Variants in PDE3A observed in about 807,000 individuals in gnomAD.
PDE3A encodes the protein phosphodiesterase 3A.
PDE3A carries 43 observed loss-of-function variants against 98.3 expected under a neutral mutation model. The ratio of observed to expected loss-of-function variants is 0.44; its 90% confidence interval spans 0.34 to 0.56. The LOEUF (loss-of-function observed/expected upper bound fraction) is 0.56. Among genes scored for constraint, PDE3A ranks in the 20% least tolerant of loss-of-function variants. The pLI is 0.01. For missense variants in PDE3A, 1,427 were observed against 1,440.7 expected (o/e 0.99, Z 0.15); for synonymous variants, 663 against 567.9 (o/e 1.17, Z -2.38).
intron 1 of PDE3A, among the ~76,000 whole-genome samples, chr12:20,539,773 G>A (rs1000839113): frequency 6.6e-6 from 1 of 152,028 alleles, no homozygotes; most frequent in African/African-American, 2.4e-5. Flanking sequence ...AAGATGAACG[G>A]CATCCAAACC....
intron 15 of PDE3A, among the ~76,000 whole-genome samples, chr12:20,654,703 C>T (rs1159519179): frequency 2.5e-5 from 3 of 120,066 alleles, no homozygotes; most frequent in Admixed American, 1.1e-4. Flanking sequence ...GAGTAGAGAT[C>T]GGGTTTCACC....
At chr12:20,451,409 G>A (rs1318357664) in intron 1 of PDE3A, among the ~76,000 whole-genome samples, 1 of 152,120 alleles carries the variant, frequency 6.6e-6, no homozygotes, top group Non-Finnish European at 1.5e-5. Context: ...AAGTAGCTGG[G>A]ATTATAGGTG....
chr12:20,591,842 G>T (rs1044203972), intron 2 of PDE3A, among the ~76,000 whole-genome samples: 1 of 152,148 alleles, frequency 6.6e-6, no homozygotes, highest in East Asian at 1.9e-4. Context: ...TGTAATAATC[G>T]TGGTGGCTGT....
chr12:20,451,942 T>C (rs1025848403), intron 1 of PDE3A, among the ~76,000 whole-genome samples: 5 of 152,228 alleles, frequency 3.3e-5, no homozygotes, highest in Admixed American at 6.5e-5. Context: ...CATTGCATAG[T>C]GTAGCCCTGA....
In PDE3A at chr12:20,369,097, C is replaced by G; in HGVS notation, c.-188C>G. 1 of 553,796 alleles carries G rather than the reference C, an allele frequency of 1.8e-6. No individual in the cohort carries two copies. Among genetic ancestry groups the G allele is most frequent in the Non-Finnish European group, 3.2e-6 (1 of 313,622 alleles). The allele number at this position is 553,796 out of a possible 1,614,324, so 34.3% of individuals were successfully genotyped here. The stretch of plus-strand genomic sequence containing the variant: ...AAGTCTCATTGGAGCATCTAGCATT[C>G]TCCAGGAGTTATTCGAAAGCTGAAA... On this transcript the variant is annotated 5_prime_UTR_variant, in exon 1 of 16. Coordinates refer to ENST00000359062, the MANE Select transcript of PDE3A (RefSeq NM_000921.5).
chr12:20,397,252 CTATATGTCTTTATATATGTCTCTA>C (rs1944035686), intron 1 of PDE3A, among the ~76,000 whole-genome samples: 1 of 151,900 alleles, frequency 6.6e-6, no homozygotes, highest in African/African-American at 2.4e-5. Context: ...ATATGTCTCT[CTATATGTCTTTATATATGTCTCTA>C]TATATTCTAG....
At chr12:20,663,884 G>A (rs1565468183) in intron 15 of PDE3A, among the ~76,000 whole-genome samples, 1 of 152,074 alleles carries the variant, frequency 6.6e-6, no homozygotes, top group Non-Finnish European at 1.5e-5. Context: ...GTGAGGGGCA[G>A]AATAATATGA....
intron 11 of PDE3A, 71 bp downstream of exon 11, chr12:20,646,674 T>C (rs748477997): frequency 8.3e-6 from 12 of 1,437,816 alleles, no homozygotes; most frequent in Non-Finnish European, 1.2e-5. Flanking sequence ...TTGTTTTTTT[T>C]CAAAAAGAAA....
intron 2 of PDE3A, among the ~76,000 whole-genome samples, chr12:20,584,535 G>A (rs887030611): frequency 6.6e-5 from 10 of 152,098 alleles, no homozygotes; most frequent in African/African-American, 1.2e-4. Flanking sequence ...TTGGCAACCT[G>A]TACTTTTAAT....
intron 1 of PDE3A, among the ~76,000 whole-genome samples, chr12:20,487,500 C>CCAAA (rs1945749612): frequency 4.7e-5 from 1 of 21,414 alleles, no homozygotes; most frequent in Non-Finnish European, 9.8e-5. Flanking sequence ...CCTGTCTCTA[C>CCAAA]TAAAAAAAAA....
chr12:20,629,159 G>A (rs535677695), intron 5 of PDE3A, among the ~76,000 whole-genome samples: 3 of 152,158 alleles, frequency 2.0e-5, no homozygotes, highest in East Asian at 3.9e-4. Context: ...AAAAGACATC[G>A]TCCTGGTCTT....
intron 1 of PDE3A, among the ~76,000 whole-genome samples, chr12:20,377,120 G>T (rs1362244060): frequency 6.6e-6 from 1 of 151,772 alleles, no homozygotes; most frequent in Non-Finnish European, 1.5e-5. Context: ...ATTTGTGTGT[G>T]TGCATGTGTG....
intron 1 of PDE3A, among the ~76,000 whole-genome samples, chr12:20,404,104 G>T (rs746359456): frequency 1.1e-4 from 17 of 152,104 alleles, no homozygotes; most frequent in Non-Finnish European, 2.4e-4. Context: ...AAAGAAAAAT[G>T]TAGGTTGGCT....
intron 1 of PDE3A, among the ~76,000 whole-genome samples, chr12:20,498,340 T>A (rs1399060495): frequency 1.3e-5 from 2 of 152,068 alleles, no homozygotes; most frequent in African/African-American, 4.8e-5. Flanking sequence ...GGATTCTACA[T>A]CCATGGATTC....
intron 1 of PDE3A, among the ~76,000 whole-genome samples, chr12:20,385,500 T>A (rs2120566813): frequency 6.6e-6 from 1 of 151,844 alleles, no homozygotes; most frequent in Non-Finnish European, 1.5e-5. Flanking sequence ...GTATGTTTAT[T>A]GCGGCACTAT....
chr12:20,514,085 C>T (rs965204397), intron 1 of PDE3A, among the ~76,000 whole-genome samples: 1 of 152,142 alleles, frequency 6.6e-6, no homozygotes, highest in Admixed American at 6.5e-5. Context: ...TCCCAGTGCC[C>T]AGGTTTCACC....
At chr12:20,443,582 A>G (rs957849141) in intron 1 of PDE3A, among the ~76,000 whole-genome samples, 1 of 152,132 alleles carries the variant, frequency 6.6e-6, no homozygotes, top group Non-Finnish European at 1.5e-5. Context: ...GCATAAGACT[A>G]ACTCTTTTCG....
chr12:20,414,329 A>C (rs944691369), intron 1 of PDE3A, among the ~76,000 whole-genome samples: 1 of 152,168 alleles, frequency 6.6e-6, no homozygotes, highest in African/African-American at 2.4e-5. Context: ...AGGGCAGACA[A>C]CCATAGATTT....
intron 1 of PDE3A, among the ~76,000 whole-genome samples, chr12:20,545,886 T>G (rs535063493): frequency 1.6e-4 from 24 of 152,138 alleles, no homozygotes; most frequent in Non-Finnish European, 2.6e-4. Flanking sequence ...GTATTTTGTA[T>G]AATGTAATGA....
Sources: allele counts gnomAD v4.1 joint callset (sites outside exome capture counted in the v4.1 genomes callset), GRCh38; gene constraint gnomAD v4.1.1; transcripts MANE v1.5; gene names NCBI Gene and HGNC (gene_info 2026-07-23, HGNC 2026-07-21).